Variants in GRIN2A observed in about 807,000 individuals in gnomAD.
GRIN2A encodes the protein glutamate ionotropic receptor NMDA type subunit 2A, also known as glutamate receptor ionotropic, NMDA 2A.
Under a neutral mutation model 113.4 loss-of-function variants are expected in GRIN2A, and 22 were observed. The observed-to-expected ratio is 0.19, with a 90% CI of 0.14 to 0.28. The LOEUF (loss-of-function observed/expected upper bound fraction) is 0.28, where lower values mean the gene tolerates loss of function less well. Among genes scored for constraint, GRIN2A ranks in the 10% least tolerant of loss-of-function variants. The pLI is 1.00. For missense variants in GRIN2A, 1,502 were observed against 1,887.0 expected (o/e 0.80, Z 3.78); for synonymous variants, 827 against 738.4 (o/e 1.12, Z -1.94).
chr16:10,162,733 C>T (rs915073998), intron 2 of GRIN2A, among the ~76,000 whole-genome samples: 5 of 152,186 alleles, frequency 3.3e-5, no homozygotes, highest in Non-Finnish European at 7.3e-5. Context: ...GGGGTTAGGA[C>T]CCAATATATG....
chr16:10,156,587 C>T (rs550547636), intron 2 of GRIN2A, among the ~76,000 whole-genome samples: 1 of 152,214 alleles, frequency 6.6e-6, no homozygotes, highest in South Asian at 2.1e-4. Context: ...AATTCACAGT[C>T]ATGTGGGGAG....
In GRIN2A at chr16:10,097,495, G is replaced by C. The variant is rs908279338; in HGVS notation, c.414+82503C>G. Among the ~76,000 whole-genome samples the C allele has an allele frequency of 2.0e-5, 3 of 152,110 alleles. No individual in the cohort carries two copies. The East Asian group carries it at 5.8e-4, about 29-fold the overall frequency. On this transcript the variant is annotated intron_variant, in intron 2 of 12. Transcript: ENST00000330684. ...AGGAATGGAGTCTCCAGTGAGATTGGATCAGCAGTTTCATTAGAGGGGCTG... is the reference window on the plus strand; with the variant it reads ...AGGAATGGAGTCTCCAGTGAGATTGCATCAGCAGTTTCATTAGAGGGGCTG...
At chr16:9,941,990 A>G (rs927860588) in intron 2 of GRIN2A, among the ~76,000 whole-genome samples, 1 of 152,156 alleles carries the variant, frequency 6.6e-6, no homozygotes, top group Non-Finnish European at 1.5e-5. Context: ...GCTGTTGCCA[A>G]TAATGGTGCT....
intron 2 of GRIN2A, among the ~76,000 whole-genome samples, chr16:10,039,866 G>T (rs2047118790): frequency 7.1e-6 from 1 of 141,262 alleles, no homozygotes; most frequent in South Asian, 2.4e-4. Flanking sequence ...CAGAGGAGGG[G>T]TGCGGCAGCC....
intron 2 of GRIN2A, among the ~76,000 whole-genome samples, chr16:10,145,515 A>T (rs1055155586): frequency 3.3e-4 from 35 of 106,564 alleles, no homozygotes; most frequent in African/African-American, 1.6e-3. Flanking sequence ...GCTGTTTTTA[A>T]AAAAAAAAAA....
At chr16:9,966,773 C>T (rs542528829) in intron 2 of GRIN2A, among the ~76,000 whole-genome samples, 1 of 152,324 alleles carries the variant, frequency 6.6e-6, no homozygotes, top group East Asian at 1.9e-4. Context: ...ACCCAAAAGG[C>T]TTGTTAAAAC....
intron 3 of GRIN2A, among the ~76,000 whole-genome samples, chr16:9,901,019 T>G (rs554897258): frequency 6.6e-6 from 1 of 152,346 alleles, no homozygotes; most frequent in African/African-American, 2.4e-5. Flanking sequence ...AATGAGATGA[T>G]ATGGATCAAT....
At chr16:9,894,965 C>G (rs904393886) in intron 3 of GRIN2A, among the ~76,000 whole-genome samples, 10 of 152,218 alleles carry the variant, frequency 6.6e-5, no homozygotes, top group African/African-American at 2.4e-4. Context: ...ATCCATCCAT[C>G]TATCCGTCAA....
At chr16:9,979,405 G>A (rs745843995) in intron 2 of GRIN2A, among the ~76,000 whole-genome samples, 11 of 152,142 alleles carry the variant, frequency 7.2e-5, no homozygotes, top group African/African-American at 1.2e-4. Flanking sequence ...CAGTGTCTTC[G>A]CACTGTCTGT....
intron 2 of GRIN2A, among the ~76,000 whole-genome samples, chr16:10,152,072 C>T (rs2049591651): frequency 6.6e-6 from 1 of 152,182 alleles, no homozygotes; most frequent in African/African-American, 2.4e-5. Context: ...CTCAGACACC[C>T]TGCCCCTGGC....
intron 2 of GRIN2A, among the ~76,000 whole-genome samples, chr16:10,124,255 C>A (rs1217738497): frequency 6.6e-6 from 1 of 152,164 alleles, no homozygotes; most frequent in Non-Finnish European, 1.5e-5. Flanking sequence ...AGGGAGCAAA[C>A]TGACCTGTGA....
chr16:9,767,571 AAAAC>A (rs955989819), intron 12 of GRIN2A, among the ~76,000 whole-genome samples: 29 of 151,286 alleles, frequency 1.9e-4, no homozygotes, highest in African/African-American at 4.2e-4. Context: ...CCAAGGCAAA[AAAAC>A]AAACAAAAAC....
chr16:10,069,399 A>G (rs751501620), intron 2 of GRIN2A, among the ~76,000 whole-genome samples: 9 of 152,240 alleles, frequency 5.9e-5, no homozygotes, highest in Non-Finnish European at 7.3e-5. Context: ...GGAAGAGACC[A>G]TCACACGATT....
chr16:10,102,529 CTTTTTTTCT>C (rs2048420370), intron 2 of GRIN2A, among the ~76,000 whole-genome samples: 1 of 152,066 alleles, frequency 6.6e-6, no homozygotes, highest in African/African-American at 2.4e-5. Context: ...TTTCTTTCTT[CTTTTTTTCT>C]TTTTTTTCTT....
At chr16:10,128,517 C>G (rs1017587369) in intron 2 of GRIN2A, among the ~76,000 whole-genome samples, 1 of 152,176 alleles carries the variant, frequency 6.6e-6, no homozygotes, top group African/African-American at 2.4e-5. Flanking sequence ...TGTAGATGCT[C>G]CATTCACTGG....
chr16:10,093,584 C>T (rs2048227150), intron 2 of GRIN2A, among the ~76,000 whole-genome samples: 1 of 151,492 alleles, frequency 6.6e-6, no homozygotes, highest in South Asian at 2.1e-4. Context: ...GCTAGAGTCT[C>T]TGGGTGTTTT....
Position 10,072,946 on chromosome 16 carries a change from CTTTTT to C in GRIN2A, c.414+107047_414+107051del, listed in dbSNP as rs34432023. 9.5e-3 allele frequency among the ~76,000 whole-genome samples: 992 copies of C among 104,242 alleles called. 6 individuals are homozygous for C. Among genetic ancestry groups the C allele is most frequent in the Non-Finnish European group, 0.012 (663 of 53,768 alleles). 68.4% of individuals were successfully genotyped at this position (104,242 alleles called of 152,430 possible). The stretch of plus-strand genomic sequence containing the variant: ...TGAGGAAACTCAGTGACAAGACCCC[CTTTTT>C]TTTTTTTTTTTTTTTTGAGACAGAG... On this transcript the variant is annotated intron_variant, in intron 2 of 12. Coordinates refer to ENST00000330684, the MANE Select transcript of GRIN2A (RefSeq NM_001134407.3).
At chr16:9,822,476 G>C (rs772840894) in intron 9 of GRIN2A, 52 bp from the exon 10 acceptor site, 6 of 1,160,228 alleles carry the variant, frequency 5.2e-6, no homozygotes, top group Non-Finnish European at 7.8e-6. Context: ...AAAGAGAAGG[G>C]AGGAGGGGGA....
At chr16:9,960,665 C>T (rs764233318) in intron 2 of GRIN2A, among the ~76,000 whole-genome samples, 1 of 152,180 alleles carries the variant, frequency 6.6e-6, no homozygotes, top group Non-Finnish European at 1.5e-5. Flanking sequence ...GGCTCTGTTA[C>T]CCAGGCTGGA....
Sources: allele counts gnomAD v4.1 joint callset (sites outside exome capture counted in the v4.1 genomes callset), GRCh38; gene constraint gnomAD v4.1.1; transcripts MANE v1.5; gene names NCBI Gene and HGNC (gene_info 2026-07-23, HGNC 2026-07-21).